JAM3: variants seen among roughly 807,000 people sequenced by gnomAD.
The protein encoded by JAM3 is junctional adhesion molecule 3.
Under a neutral mutation model 39.4 loss-of-function variants are expected in JAM3, and 31 were observed. The observed-to-expected ratio is 0.79, with a 90% CI of 0.59 to 1.06. The LOEUF (loss-of-function observed/expected upper bound fraction) is 1.06. Ranked by LOEUF, JAM3 falls within the 50% of genes least tolerant of loss-of-function variation. The pLI is 0.00. For missense variants in JAM3, 455 were observed against 391.4 expected, an observed-to-expected ratio of 1.16 and a Z score of -1.37; for synonymous variants, 182 against 148.7, an observed-to-expected ratio of 1.22 and a Z score of -1.63.
At position 134,144,363 on chromosome 11, in the gene JAM3, G is replaced by C; in HGVS notation, c.379G>C (p.Asp127His). Residue 127 changes from aspartate to histidine, a missense_variant, in exon 4 of 9, where the codon GAT (aspartate) becomes CAT (histidine). Asp to His is a moderately conservative substitution (Grantham distance 81). Transcript: ENST00000299106. Reference sequence around the variant, plus strand: ...TGCTCGAAATGACCGCAAGGAAATTGATGAGATTGTGATCGAGTTAACTGT... The same window carrying C: ...TGCTCGAAATGACCGCAAGGAAATTCATGAGATTGTGATCGAGTTAACTGT... ...VVARNDRKEI[D>H]EIVIELTVQV... is the part of the protein sequence containing the mutation. The C allele has an allele frequency of 1.9e-6, 3 of 1,614,242 alleles. No individual in the cohort carries two copies. The highest frequency in any genetic ancestry group is 2.5e-6 in the Non-Finnish European group (3 of 1,180,048).
At chr11:134,083,350 GA>G (rs1160961358) in intron 1 of JAM3, among the ~76,000 whole-genome samples, 1 of 152,158 alleles carries the variant, frequency 6.6e-6, no homozygotes, top group Non-Finnish European at 1.5e-5. Context: ...AGTGGTGAGA[GA>G]AGGTTTTTAT....
intron 1 of JAM3, among the ~76,000 whole-genome samples, chr11:134,094,594 A>C (rs1158232903): frequency 6.7e-6 from 1 of 149,728 alleles, no homozygotes; most frequent in Non-Finnish European, 1.5e-5. Context: ...TCCACCTTAC[A>C]TGTCACTTCC....
chr11:134,072,770 C>T (rs775267696), intron 1 of JAM3, among the ~76,000 whole-genome samples: 2 of 152,134 alleles, frequency 1.3e-5, no homozygotes, highest in African/African-American at 2.4e-5. Context: ...ATTAGCCGGG[C>T]GTGCTGGTGC....
At chr11:134,112,979 A>G (rs2120735820) in intron 1 of JAM3, among the ~76,000 whole-genome samples, 1 of 152,252 alleles carries the variant, frequency 6.6e-6, no homozygotes, top group African/African-American at 2.4e-5. Context: ...TCCAAGTAAT[A>G]CCCAGCAAGG....
intron 1 of JAM3, among the ~76,000 whole-genome samples, chr11:134,096,040 G>T (rs528000327): frequency 6.6e-6 from 1 of 152,096 alleles, no homozygotes; most frequent in African/African-American, 2.4e-5. Context: ...GCAGTAGTGC[G>T]ATCTTGGCCC....
intron 1 of JAM3, among the ~76,000 whole-genome samples, chr11:134,129,263 C>G (rs562514918): frequency 5.7e-4 from 87 of 152,056 alleles, no homozygotes; most frequent in African/African-American, 1.9e-3. Context: ...ACTATAGGCA[C>G]CCGCCACCAT....
At chr11:134,108,777 G>A (rs1394275633) in intron 1 of JAM3, among the ~76,000 whole-genome samples, 2 of 152,130 alleles carry the variant, frequency 1.3e-5, no homozygotes, top group African/African-American at 4.8e-5. Flanking sequence ...GGAATAGGAA[G>A]GAACTTCCTG....
chr11:134,115,926 GGATA>G (rs1272099840), intron 1 of JAM3, among the ~76,000 whole-genome samples: 2 of 151,718 alleles, frequency 1.3e-5, no homozygotes, highest in Admixed American at 6.6e-5. Flanking sequence ...TTGGAGGAGG[GGATA>G]GATACCATAA....
intron 1 of JAM3, among the ~76,000 whole-genome samples, chr11:134,112,648 A>C (rs574367534): frequency 6.6e-6 from 1 of 152,164 alleles, no homozygotes; most frequent in African/African-American, 2.4e-5. Context: ...CAATCCTATG[A>C]GGTAGGTACT....
At chr11:134,143,833 G>A (rs1943019396) in intron 3 of JAM3, among the ~76,000 whole-genome samples, 1 of 152,196 alleles carries the variant, frequency 6.6e-6, no homozygotes, top group South Asian at 2.1e-4. Context: ...TGTTGTATAT[G>A]GAGTGAGAGA....
At chr11:134,140,535 G>T in intron 2 of JAM3, 122 bp from the exon 3 acceptor site, 1 of 791,870 alleles carries the variant, frequency 1.3e-6, no homozygotes, top group East Asian at 2.5e-5. Context: ...GGAGTGTGGA[G>T]TTGGCTACGT....
In JAM3 at chr11:134,081,110, A is replaced by G. The variant is rs181578383; in HGVS notation, c.76+11951A>G. 4.6e-5 allele frequency among the ~76,000 whole-genome samples: 7 copies of G among 152,342 alleles called. 1 individual carries two copies. The East Asian group carries it at 1.4e-3, about 29-fold the overall frequency. On this transcript the variant is annotated intron_variant, in intron 1 of 8. Coordinates refer to ENST00000299106, the MANE Select transcript of JAM3 (RefSeq NM_032801.5). ...CTAGCGGAAGAAATTTCTAAGCAGG[A>G]AAACATTCAAGAGTTGACTTGGGTG...
intron 1 of JAM3, among the ~76,000 whole-genome samples, chr11:134,132,612 A>T (rs1376118338): frequency 6.6e-6 from 1 of 152,230 alleles, no homozygotes; most frequent in African/African-American, 2.4e-5. Flanking sequence ...CCAGTAGGTT[A>T]GACTCTGGTA....
chr11:134,132,617 C>G (rs1349896931), intron 1 of JAM3, among the ~76,000 whole-genome samples: 1 of 152,206 alleles, frequency 6.6e-6, no homozygotes, highest in Admixed American at 6.5e-5. Flanking sequence ...AGGTTAGACT[C>G]TGGTAAGACA....
rs1169419454 is a variant in JAM3, at chr11:134,149,127, C to T, written c.898-19C>T. ...CCACCAGGCCCCTTGATGGCTCTAA[C>T]TGTGTGTTGGCTTTGCAGGGCGACT... On this transcript the variant is annotated intron_variant, in intron 8 of 8. Coordinates refer to ENST00000299106, the MANE Select transcript of JAM3 (RefSeq NM_032801.5). 6.2e-7 allele frequency: 1 copy of T among 1,608,746 alleles called. No individual in the cohort carries two copies. The highest frequency in any genetic ancestry group is 1.4e-5 in the African/African-American group (1 of 73,520).
At chr11:134,075,388 G>A (rs183110824) in intron 1 of JAM3, among the ~76,000 whole-genome samples, 20 of 152,260 alleles carry the variant, frequency 1.3e-4, no homozygotes, top group Admixed American at 9.8e-4. Context: ...CATGGACTTG[G>A]GAATGCACAT....
intron 6 of JAM3, among the ~76,000 whole-genome samples, chr11:134,146,980 G>C (rs1440347518): frequency 6.6e-6 from 1 of 152,096 alleles, no homozygotes; most frequent in Admixed American, 6.6e-5. Context: ...ATACAGATTC[G>C]AGCCCACCTC....
intron 1 of JAM3, among the ~76,000 whole-genome samples, chr11:134,138,494 A>G (rs535753212): frequency 3.0e-4 from 45 of 152,098 alleles, no homozygotes; most frequent in African/African-American, 1.1e-3. Flanking sequence ...GCTCATGCTG[A>G]GAGAAATGTT....
intron 1 of JAM3, among the ~76,000 whole-genome samples, chr11:134,114,212 G>A (rs1942377023): frequency 6.6e-6 from 1 of 152,190 alleles, no homozygotes; most frequent in African/African-American, 2.4e-5. Flanking sequence ...GATCCCATTT[G>A]TCAATTTTGG....
Sources: gnomAD v4.1 joint callset for allele counts (sites outside exome capture counted in the v4.1 genomes callset) on GRCh38, gnomAD v4.1.1 for gene constraint, MANE v1.5 for transcripts, NCBI Gene and HGNC (gene_info 2026-07-23, HGNC 2026-07-21) for gene names.